XRCC4: variants seen among roughly 807,000 people sequenced by gnomAD.
The protein encoded by XRCC4 is DNA repair protein XRCC4.
A neutral mutation model predicts 39.1 loss-of-function variants in XRCC4; 28 were observed. That is an observed-to-expected ratio of 0.72 (90% confidence interval 0.53 to 0.98). The LOEUF (loss-of-function observed/expected upper bound fraction) is 0.98, where lower values mean the gene tolerates loss of function less well. Among genes scored for constraint, XRCC4 ranks in the 50% least tolerant of loss-of-function variants. The pLI is 0.00. For missense variants in XRCC4, 350 were observed against 376.4 expected, an observed-to-expected ratio of 0.93 and a Z score of 0.58; for synonymous variants, 123 against 126.4, an observed-to-expected ratio of 0.97 and a Z score of 0.18.
At chr5:83,085,994 TAGA>T (rs1160057934) in intron 1 of XRCC4, among the ~76,000 whole-genome samples, 1 of 152,248 alleles carries the variant, frequency 6.6e-6, no homozygotes, top group African/African-American at 2.4e-5. Flanking sequence ...TGCGGACTTC[TAGA>T]AGAAGTTTAA....
At chr5:83,078,419 G>A (rs1311697462) in intron 1 of XRCC4, among the ~76,000 whole-genome samples, 1 of 152,232 alleles carries the variant, frequency 6.6e-6, no homozygotes, top group Non-Finnish European at 1.5e-5. Flanking sequence ...TTCTCAGGCA[G>A]GAGAGAGTTC....
chr5:83,374,252 A>C, the XRCC4 span, among the ~76,000 whole-genome samples: 6 of 152,154 alleles, frequency 3.9e-5, no homozygotes, highest in Non-Finnish European at 8.8e-5. Context: ...ACCCAGTGGG[A>C]GATCAAATCA....
chr5:83,214,701 G>A (rs1454835721), intron 6 of XRCC4, among the ~76,000 whole-genome samples: 1 of 151,682 alleles, frequency 6.6e-6, no homozygotes, highest in East Asian at 1.9e-4. Flanking sequence ...GCCGGGCATC[G>A]TGTGGGCGCC....
intron 6 of XRCC4, among the ~76,000 whole-genome samples, chr5:83,235,759 AT>A (rs148659107): frequency 0.037 from 5,650 of 152,326 alleles, 346 homozygotes; most frequent in African/African-American, 0.13. Flanking sequence ...AGGGCATTAA[AT>A]TTGGAAAGGA....
intron 3 of XRCC4, among the ~76,000 whole-genome samples, chr5:83,136,878 A>G (rs1262922706): frequency 6.6e-6 from 1 of 152,184 alleles, no homozygotes; most frequent in East Asian, 1.9e-4. Flanking sequence ...TCTAATTTAT[A>G]CCATGGTGAC....
intron 7 of XRCC4, among the ~76,000 whole-genome samples, chr5:83,309,299 ATATATATAT>A (rs1561467747): frequency 2.1e-4 from 16 of 77,086 alleles, no homozygotes; most frequent in African/African-American, 7.8e-4. Context: ...AAAAAAAAAT[ATATATATAT>A]ATATATATAT....
At chr5:83,372,001 C>A in the XRCC4 span, among the ~76,000 whole-genome samples, 1 of 152,174 alleles carries the variant, frequency 6.6e-6, no homozygotes, top group African/African-American at 2.4e-5. Context: ...CTTTGTGCAG[C>A]AAGTAATAAC....
intron 2 of XRCC4, among the ~76,000 whole-genome samples, chr5:83,105,898 C>T (rs551457991): frequency 1.6e-4 from 25 of 151,984 alleles, no homozygotes; most frequent in South Asian, 1.5e-3. Context: ...ATTATTATAT[C>T]GTCTTTAAAA....
chr5:83,167,630 T>C (rs917392268), intron 3 of XRCC4, among the ~76,000 whole-genome samples: 6 of 152,268 alleles, frequency 3.9e-5, no homozygotes, highest in Middle Eastern at 6.8e-3. Context: ...GGGATGGGTT[T>C]GGTGGAGGAG....
At position 83,353,151 on chromosome 5, in the gene XRCC4, A is replaced by G. The variant is rs1050635771; in HGVS notation, c.914A>G (p.Glu305Gly). 1.2e-5 allele frequency: 19 copies of G among 1,610,900 alleles called. No individual in the cohort carries two copies. The highest frequency in any genetic ancestry group is 1.2e-4 in the Admixed American group (7 of 59,452). Residue 305 changes from glutamate (E) to glycine (G), a missense_variant, in exon 8 of 8, where the codon GAG (glutamate) becomes GGG (glycine). Glu to Gly is a moderately conservative substitution (Grantham distance 98). Coordinates refer to ENST00000396027, the MANE Select transcript of XRCC4 (RefSeq NM_003401.5). ...EKEKPDSSLP[E>G]TSKKEHISAE... ...TCTAGGCCTGATTCTTCACTACCTG[A>G]GACGTCTAAAAAGGAGCACATCTCA...
chr5:83,227,428 G>A (rs1752332908), intron 6 of XRCC4, among the ~76,000 whole-genome samples: 1 of 152,020 alleles, frequency 6.6e-6, no homozygotes, highest in Non-Finnish European at 1.5e-5. Flanking sequence ...ATACAAAAAT[G>A]CCCAAACTAG....
intron 3 of XRCC4, among the ~76,000 whole-genome samples, chr5:83,138,238 A>T (rs932367291): frequency 1.3e-5 from 2 of 152,146 alleles, no homozygotes; most frequent in Admixed American, 6.5e-5. Flanking sequence ...ATATGTACCT[A>T]TTTAAAACTG....
intron 7 of XRCC4, among the ~76,000 whole-genome samples, chr5:83,283,359 T>C (rs1414374584): frequency 6.6e-6 from 1 of 152,230 alleles, no homozygotes; most frequent in African/African-American, 2.4e-5. Context: ...ATTTATAAAA[T>C]GTATATTCAT....
chr5:83,278,310 G>T (rs1418875739), intron 7 of XRCC4, among the ~76,000 whole-genome samples: 1 of 152,140 alleles, frequency 6.6e-6, no homozygotes, highest in Non-Finnish European at 1.5e-5. Flanking sequence ...ATTAATTTTG[G>T]TCATAGAATT....
chr5:83,212,114 ATGTATATATACACATATGTATGTG>A, intron 6 of XRCC4, among the ~76,000 whole-genome samples: 1 of 152,168 alleles, frequency 6.6e-6, no homozygotes, highest in South Asian at 2.1e-4. Flanking sequence ...TTATGTGTAT[ATGTATATATACACATATGTATGTG>A]TGTATATATA....
At chr5:83,361,189 T>C in the XRCC4 span, among the ~76,000 whole-genome samples, 4 of 152,210 alleles carry the variant, frequency 2.6e-5, no homozygotes, top group Middle Eastern at 3.2e-3. Context: ...GTGAGGAATA[T>C]GTGGAAGCTC....
At chr5:83,159,348 T>A (rs1047132662) in intron 3 of XRCC4, among the ~76,000 whole-genome samples, 4 of 152,132 alleles carry the variant, frequency 2.6e-5, no homozygotes, top group African/African-American at 9.7e-5. Flanking sequence ...ATAAGAAAGT[T>A]TGGGGGCAAT....
At chr5:83,082,821 G>A (rs1745011903) in intron 1 of XRCC4, among the ~76,000 whole-genome samples, 1 of 152,032 alleles carries the variant, frequency 6.6e-6, no homozygotes, top group Non-Finnish European at 1.5e-5. Context: ...GCCTAAGGAA[G>A]TCAAAAGATT....
chr5:83,333,399 A>G (rs1421837861), intron 7 of XRCC4, among the ~76,000 whole-genome samples: 1 of 152,202 alleles, frequency 6.6e-6, no homozygotes, highest in African/African-American at 2.4e-5. Context: ...ACTTGTAAGT[A>G]TTGTGGGCTC....
Sources: gnomAD v4.1 joint callset for allele counts (sites outside exome capture counted in the v4.1 genomes callset) on GRCh38, gnomAD v4.1.1 for gene constraint, MANE v1.5 for transcripts, NCBI Gene and HGNC (gene_info 2026-07-23, HGNC 2026-07-21) for gene names.